Variants in FSTL5 observed in about 807,000 individuals in gnomAD.
The protein encoded by FSTL5 is follistatin like 5, also known as follistatin-related protein 5.
Under a neutral mutation model 89.1 loss-of-function variants are expected in FSTL5, and 62 were observed. That is an observed-to-expected ratio of 0.70 (90% confidence interval 0.57 to 0.86). The LOEUF (loss-of-function observed/expected upper bound fraction) is 0.86, where lower values mean the gene tolerates loss of function less well. Among genes scored for constraint, FSTL5 ranks in the 40% least tolerant of loss-of-function variants. FSTL5 has a pLI of 0.00. For synonymous variants in FSTL5, 383 were observed against 346.2 expected (o/e 1.11, Z -1.18); for missense variants, 1,057 against 1,001.6 (o/e 1.06, Z -0.75).
intron 2 of FSTL5, among the ~76,000 whole-genome samples, chr4:162,079,395 CTCTT>C (rs1729997363): frequency 6.6e-6 from 1 of 151,556 alleles, no homozygotes; most frequent in Non-Finnish European, 1.5e-5. Context: ...TTAGCTGTAT[CTCTT>C]TCTTTTTCAT....
At chr4:162,159,507 C>G (rs183156256) in intron 1 of FSTL5, among the ~76,000 whole-genome samples, 1 of 151,876 alleles carries the variant, frequency 6.6e-6, no homozygotes, top group Non-Finnish European at 1.5e-5. Flanking sequence ...ATACCAAAAG[C>G]CACATTAAAT....
At chr4:161,795,980 G>C (rs1381331200) in intron 4 of FSTL5, among the ~76,000 whole-genome samples, 2 of 151,594 alleles carry the variant, frequency 1.3e-5, no homozygotes, top group Non-Finnish European at 3.0e-5. Context: ...AACCCTCTTT[G>C]AAAACCTACA....
At chr4:162,054,444 T>C (rs947791793) in intron 2 of FSTL5, among the ~76,000 whole-genome samples, 8 of 151,862 alleles carry the variant, frequency 5.3e-5, no homozygotes, top group African/African-American at 1.9e-4. Context: ...ATTACAATGA[T>C]AATAAATAAA....
At chr4:161,946,836 G>A (rs1264790324) in intron 3 of FSTL5, among the ~76,000 whole-genome samples, 1 of 152,066 alleles carries the variant, frequency 6.6e-6, no homozygotes, top group African/African-American at 2.4e-5. Flanking sequence ...TATTTAAAGT[G>A]GCTTATTATA....
chr4:161,886,485 G>A (rs558348223), intron 4 of FSTL5, among the ~76,000 whole-genome samples: 115 of 152,244 alleles, frequency 7.6e-4, no homozygotes, highest in Middle Eastern at 3.4e-3. Flanking sequence ...ATGAGGAGTC[G>A]ATGGAAAGAG....
chr4:161,840,933 CAG>C (rs1731190149), intron 4 of FSTL5, among the ~76,000 whole-genome samples: 2 of 152,102 alleles, frequency 1.3e-5, no homozygotes, highest in African/African-American at 4.8e-5. Context: ...GAGATACAGA[CAG>C]AATATGAATT....
intron 4 of FSTL5, among the ~76,000 whole-genome samples, chr4:161,831,538 A>G (rs1371747901): frequency 6.6e-6 from 1 of 151,946 alleles, no homozygotes; most frequent in Non-Finnish European, 1.5e-5. Context: ...AGCATATAAA[A>G]TATAAAAACA....
intron 2 of FSTL5, among the ~76,000 whole-genome samples, chr4:162,078,171 C>T (rs1729945099): frequency 6.6e-6 from 1 of 151,836 alleles, no homozygotes; most frequent in Non-Finnish European, 1.5e-5. Context: ...AGACAGTAAT[C>T]TGGATGCGGA....
intron 7 of FSTL5, among the ~76,000 whole-genome samples, chr4:161,607,263 A>T: frequency 6.6e-6 from 1 of 152,204 alleles, no homozygotes; most frequent in East Asian, 1.9e-4. Flanking sequence ...GTCCATAAAT[A>T]TGTTATATAT....
intron 1 of FSTL5, among the ~76,000 whole-genome samples, chr4:162,112,083 T>C (rs1047742253): frequency 6.6e-6 from 1 of 152,250 alleles, no homozygotes; most frequent in Non-Finnish European, 1.5e-5. Flanking sequence ...AAACTCATTA[T>C]TGTATAAATA....
chr4:161,816,646 G>A (rs1038390307), intron 4 of FSTL5, among the ~76,000 whole-genome samples: 12 of 151,966 alleles, frequency 7.9e-5, no homozygotes, highest in Non-Finnish European at 1.6e-4. Flanking sequence ...AAAAATTTTC[G>A]GCCCAGACTA....
intron 4 of FSTL5, among the ~76,000 whole-genome samples, chr4:161,828,922 C>A (rs1240838473): frequency 6.6e-6 from 1 of 151,750 alleles, no homozygotes; most frequent in Admixed American, 6.6e-5. Flanking sequence ...AGGTATAAAA[C>A]CACTAAAGAA....
At position 161,416,701 on chromosome 4, in the gene FSTL5, C is replaced by T. The variant is rs113815917; in HGVS notation, c.1842-30252G>A. On this transcript the variant is annotated intron_variant, in intron 15 of 15. Transcript: ENST00000306100. ...CTACAAAAAATAACAAAAAATTAGC[C>T]GGGTGTGGTGGCGGGCGCCTGTAGT... 2.2e-3 allele frequency among the ~76,000 whole-genome samples: 329 copies of T among 151,812 alleles called. 1 individual carries two copies. The highest frequency in any genetic ancestry group is 7.5e-3 in the African/African-American group (312 of 41,402).
intron 4 of FSTL5, among the ~76,000 whole-genome samples, chr4:161,795,350 G>C (rs1454675461): frequency 6.6e-6 from 1 of 152,056 alleles, no homozygotes. Context: ...AAAGGGGTAA[G>C]TAATTTGAAG....
At chr4:161,599,626 T>A (rs146898690) in intron 7 of FSTL5, among the ~76,000 whole-genome samples, 1 of 150,534 alleles carries the variant, frequency 6.6e-6, no homozygotes, top group East Asian at 1.9e-4. Flanking sequence ...ATATGCAGAG[T>A]CAGATTTGCC....
intron 1 of FSTL5, among the ~76,000 whole-genome samples, chr4:162,140,382 T>C (rs773301109): frequency 2.9e-4 from 41 of 140,838 alleles, no homozygotes; most frequent in Middle Eastern, 3.6e-3. Flanking sequence ...CCATCACTAA[T>C]TTAGTGGATA....
rs1156317838 is a variant in FSTL5, at chr4:161,483,575, A to G, written c.1459-2406T>C. 2.0e-5 allele frequency among the ~76,000 whole-genome samples: 3 copies of G among 152,190 alleles called. No individual in the cohort carries two copies. In the East Asian group the frequency reaches 5.8e-4, roughly 29 times the overall value. ...TTACAAAGCCATTAAAAGTTTCCTG[A>G]CAGTCATCCTGGATTTTCTTTGCTT... On this transcript the variant is annotated intron_variant, in intron 12 of 15. Coordinates refer to ENST00000306100, the MANE Select transcript of FSTL5 (RefSeq NM_020116.5).
At chr4:161,967,745 G>A (rs149816908) in intron 3 of FSTL5, among the ~76,000 whole-genome samples, 1 of 152,016 alleles carries the variant, frequency 6.6e-6, no homozygotes, top group African/African-American at 2.4e-5. Context: ...ATTGATATTA[G>A]TAGGTTTAAA....
chr4:161,827,007 T>C (rs534527467), intron 4 of FSTL5, among the ~76,000 whole-genome samples: 1 of 152,284 alleles, frequency 6.6e-6, no homozygotes, highest in Non-Finnish European at 1.5e-5. Context: ...TTTAAAGATG[T>C]TCATTTTGGT....
Sources: allele counts gnomAD v4.1 joint callset (sites outside exome capture counted in the v4.1 genomes callset), GRCh38; gene constraint gnomAD v4.1.1; transcripts MANE v1.5; gene names NCBI Gene and HGNC (gene_info 2026-07-23, HGNC 2026-07-21).